Variants in PCDH15 observed in about 807,000 individuals in gnomAD.
PCDH15 encodes protocadherin-15.
A neutral mutation model predicts 178.5 loss-of-function variants in PCDH15; 129 were observed. The ratio of observed to expected loss-of-function variants is 0.72; its 90% confidence interval spans 0.63 to 0.84. The LOEUF (loss-of-function observed/expected upper bound fraction) is 0.84, where lower values mean the gene tolerates loss of function less well. PCDH15 is among the 40% of genes least tolerant of loss of function. The pLI, the probability that PCDH15 is intolerant of heterozygous loss-of-function variation, is 0.00. For missense variants in PCDH15, 2,230 were observed against 2,099.9 expected, an observed-to-expected ratio of 1.06 and a Z score of -1.21; for synonymous variants, 800 against 732.0, an observed-to-expected ratio of 1.09 and a Z score of -1.50.
chr10:55,346,870 G>C (rs1282986987), intron 2 of PCDH15, among the ~76,000 whole-genome samples: 6 of 151,896 alleles, frequency 4.0e-5, no homozygotes. Context: ...AGGAGAAGTT[G>C]GGATATTAGA....
At chr10:55,036,184 G>A (rs1341487204) in intron 2 of PCDH15, among the ~76,000 whole-genome samples, 6 of 151,996 alleles carry the variant, frequency 3.9e-5, no homozygotes, top group African/African-American at 7.3e-5. Flanking sequence ...TTTCCTTTCC[G>A]CCATGAGATG....
chr10:54,432,267 CA>C, intron 3 of PCDH15, among the ~76,000 whole-genome samples: 1 of 140,164 alleles, frequency 7.1e-6, no homozygotes, highest in Non-Finnish European at 1.6e-5. Context: ...CCAAAGCTAT[CA>C]AAAAAAGAAA....
At chr10:55,326,431 G>A (rs1378138200) in intron 2 of PCDH15, among the ~76,000 whole-genome samples, 1 of 151,986 alleles carries the variant, frequency 6.6e-6, no homozygotes, top group African/African-American at 2.4e-5. Flanking sequence ...GTTCTTTTAA[G>A]GATCATGGAT....
intron 2 of PCDH15, among the ~76,000 whole-genome samples, chr10:55,520,186 ATATATATATACACGCAATGTG>A (rs1841130982): frequency 1.4e-5 from 1 of 71,234 alleles, no homozygotes; most frequent in Non-Finnish European, 2.7e-5. Flanking sequence ...CGCAATGTGT[ATATATATATACACGCAATGTG>A]TATATATATA....
At chr10:53,978,745 A>C (rs149503151) in intron 21 of PCDH15, among the ~76,000 whole-genome samples, 67 of 150,612 alleles carry the variant, frequency 4.4e-4, no homozygotes, top group Non-Finnish European at 8.8e-4. Context: ...TTTGCTACTT[A>C]GAAATTTCTT....
chr10:55,309,293 A>G (rs1843515070), intron 1 of PCDH15, among the ~76,000 whole-genome samples: 1 of 152,170 alleles, frequency 6.6e-6, no homozygotes. Context: ...AGACAGGAGA[A>G]TCGCTGGAAG....
intron 14 of PCDH15, among the ~76,000 whole-genome samples, chr10:54,139,627 G>A (rs1047966833): frequency 2.6e-5 from 4 of 151,932 alleles, no homozygotes; most frequent in Admixed American, 2.0e-4. Flanking sequence ...CTAAAGTTTT[G>A]TTCACTAAAA....
At chr10:54,716,587 T>A (rs2095482367) in intron 1 of PCDH15, among the ~76,000 whole-genome samples, 1 of 152,056 alleles carries the variant, frequency 6.6e-6, no homozygotes. Flanking sequence ...ATAAGAATGC[T>A]TGTGATTTTT....
chr10:54,134,482 G>C (rs11004089), intron 14 of PCDH15, among the ~76,000 whole-genome samples: 2 of 151,806 alleles, frequency 1.3e-5, no homozygotes, highest in African/African-American at 2.4e-5. Context: ...GGCTGGGCAC[G>C]GTGGCTCACA....
intron 1 of PCDH15, among the ~76,000 whole-genome samples, chr10:54,731,573 C>CAT (rs1943405648): frequency 1.8e-4 from 7 of 39,144 alleles, no homozygotes; most frequent in African/African-American, 3.3e-4. Context: ...TACACACACA[C>CAT]ACACACACAC....
intron 18 of PCDH15, among the ~76,000 whole-genome samples, chr10:54,042,259 C>A (rs2093564053): frequency 6.6e-6 from 1 of 152,076 alleles, no homozygotes; most frequent in African/African-American, 2.4e-5. Flanking sequence ...GCTAAGGAAA[C>A]TGAGTTTCAT....
At chr10:54,518,775 C>G (rs1177926546) in intron 3 of PCDH15, among the ~76,000 whole-genome samples, 1 of 152,158 alleles carries the variant, frequency 6.6e-6, no homozygotes, top group Non-Finnish European at 1.5e-5. Context: ...GAATTTTAGA[C>G]CAATATCCTT....
At chr10:55,474,669 G>A (rs1388919897) in intron 2 of PCDH15, among the ~76,000 whole-genome samples, 1 of 152,164 alleles carries the variant, frequency 6.6e-6, no homozygotes, top group African/African-American at 2.4e-5. Context: ...ACAATGAGAA[G>A]ATGTCTCCCT....
intron 32 of PCDH15, chr10:53,823,473 A>AAAC: frequency 1.0e-6 from 1 of 973,774 alleles, no homozygotes; most frequent in Admixed American, 1.7e-5. Context: ...ATCAAAGGCC[A>AAAC]AACAACACTA....
At chr10:54,327,066 G>A (rs2133844828) in intron 7 of PCDH15, among the ~76,000 whole-genome samples, 1 of 152,026 alleles carries the variant, frequency 6.6e-6, no homozygotes, top group Middle Eastern at 3.4e-3. Context: ...CCTCAGTGAT[G>A]AGTAGTCCAT....
chr10:54,296,708 G>T (rs921437966), intron 8 of PCDH15, among the ~76,000 whole-genome samples: 2 of 152,090 alleles, frequency 1.3e-5, no homozygotes, highest in African/African-American at 4.8e-5. Flanking sequence ...CCCTCCTCAG[G>T]CTAGCAGGCC....
Position 54,790,414 on chromosome 10 carries a change from T to C in PCDH15, c.-29+10511A>G, listed in dbSNP as rs141815588. Reference sequence around the variant, plus strand: ...CTCATCTTTTAGAACACAACAAGAGTATTTATCTCAACTTCCCAATAGTTA... The same window carrying C: ...CTCATCTTTTAGAACACAACAAGAGCATTTATCTCAACTTCCCAATAGTTA... On this transcript the variant is annotated intron_variant, in intron 1 of 37. Transcript: ENST00000644397. Among the ~76,000 whole-genome samples, 229 of 151,572 alleles carry C rather than the reference T, an allele frequency of 1.5e-3. 3 individuals carry two copies. The highest frequency in any genetic ancestry group is 5.1e-3 in the African/African-American group (212 of 41,348).
chr10:54,033,136 G>A (rs544382554), intron 18 of PCDH15, among the ~76,000 whole-genome samples: 1 of 151,922 alleles, frequency 6.6e-6, no homozygotes, highest in African/African-American at 2.4e-5. Context: ...ATTCTTTAAG[G>A]AAATCTATTT....
At chr10:55,451,367 A>G (rs1839431534) in intron 2 of PCDH15, among the ~76,000 whole-genome samples, 1 of 151,948 alleles carries the variant, frequency 6.6e-6, no homozygotes. Context: ...GTGTGGTGGC[A>G]TGAGCCTGTA....
Sources: gnomAD v4.1 joint callset for allele counts (sites outside exome capture counted in the v4.1 genomes callset) on GRCh38, gnomAD v4.1.1 for gene constraint, MANE v1.5 for transcripts, NCBI Gene and HGNC (gene_info 2026-07-23, HGNC 2026-07-21) for gene names.